AUTS2: variants seen among roughly 807,000 people sequenced by gnomAD.
AUTS2 encodes autism susceptibility gene 2 protein.
Under a neutral mutation model 112.4 loss-of-function variants are expected in AUTS2, and 17 were observed. The ratio of observed to expected loss-of-function variants is 0.15; its 90% CI spans 0.10 to 0.23. The LOEUF is 0.23. Among genes scored for constraint, AUTS2 ranks in the 10% least tolerant of loss-of-function variants. The probability of loss-of-function intolerance (pLI) is 1.00; values close to 1 mark genes in which losing one functional copy is unlikely to be tolerated. For synonymous variants in AUTS2, 751 were observed against 702.7 expected, an observed-to-expected ratio of 1.07 and a Z score of -1.09; for missense variants, 1,510 against 1,701.6, an observed-to-expected ratio of 0.89 and a Z score of 1.98.
chr7:70,677,501 C>T (rs970420192), intron 5 of AUTS2, among the ~76,000 whole-genome samples: 1 of 152,162 alleles, frequency 6.6e-6, no homozygotes, highest in Non-Finnish European at 1.5e-5. Context: ...GCCACACACT[C>T]GTGCGTTCCT....
intron 4 of AUTS2, among the ~76,000 whole-genome samples, chr7:70,392,052 T>C (rs966530813): frequency 4.6e-5 from 7 of 152,198 alleles, no homozygotes; most frequent in African/African-American, 1.7e-4. Flanking sequence ...GCCCATGATT[T>C]GATTGCCTGA....
rs546240619 is a variant in AUTS2 at position 70,591,245 on chromosome 7, G to A, written c.691-107324G>A. Among the ~76,000 whole-genome samples the A allele has an allele frequency of 5.9e-5, 9 of 151,492 alleles. 1 individual carries two copies. In the East Asian group the frequency reaches 1.8e-3, roughly 30 times the overall value. Reference sequence around the variant, plus strand: ...ATGTGACACCAGACGTGGTGTGACAGAGCCCATTTGTGGGTGTCTGTTTCA... The same window carrying A: ...ATGTGACACCAGACGTGGTGTGACAAAGCCCATTTGTGGGTGTCTGTTTCA... On this transcript the variant is annotated intron_variant, in intron 5 of 18. Coordinates refer to ENST00000342771, the MANE Select transcript of AUTS2 (RefSeq NM_015570.4).
chr7:70,153,577 A>G (rs1807574542), intron 4 of AUTS2, among the ~76,000 whole-genome samples: 1 of 152,210 alleles, frequency 6.6e-6, no homozygotes, highest in Non-Finnish European at 1.5e-5. Flanking sequence ...AGTTTATTAT[A>G]TTTCATTTAT....
chr7:69,846,965 T>C (rs1003849971), intron 1 of AUTS2, among the ~76,000 whole-genome samples: 3 of 152,162 alleles, frequency 2.0e-5, no homozygotes, highest in African/African-American at 4.8e-5. Flanking sequence ...AGCAAAGTTA[T>C]ATAGTAGCAG....
chr7:69,688,731 C>T (rs550650783), intron 1 of AUTS2, among the ~76,000 whole-genome samples: 2 of 152,122 alleles, frequency 1.3e-5, no homozygotes, highest in African/African-American at 4.8e-5. Flanking sequence ...AGAACTTACT[C>T]CTATTTAGCT....
At chr7:70,613,517 T>C (rs1804203288) in intron 5 of AUTS2, among the ~76,000 whole-genome samples, 1 of 152,106 alleles carries the variant, frequency 6.6e-6, no homozygotes, top group Admixed American at 6.6e-5. Flanking sequence ...CCTCCCAGGC[T>C]GGGGACTTCA....
intron 4 of AUTS2, among the ~76,000 whole-genome samples, chr7:70,270,601 G>A (rs910581132): frequency 1.5e-4 from 23 of 152,264 alleles, no homozygotes; most frequent in African/African-American, 5.1e-4. Context: ...GTGGGAAAGT[G>A]ATCGGATCTG....
rs547093662 is a variant in AUTS2, at chr7:70,235,686, C to T, written c.660+101115C>T. On this transcript the variant is annotated intron_variant, in intron 4 of 18. Transcript: ENST00000342771. ...TTTTTTTTTGAGACAGAGTCTCACA[C>T]TGTTGCCTGGGCTGGAGTGCAATGG... Among the ~76,000 whole-genome samples the T allele has an allele frequency of 3.3e-5, 5 of 151,656 alleles. No individual in the cohort carries two copies. The South Asian group carries it at 1.0e-3, about 32-fold the overall frequency.
At chr7:70,385,146 T>C (rs1024545336) in intron 4 of AUTS2, among the ~76,000 whole-genome samples, 19 of 152,310 alleles carry the variant, frequency 1.2e-4, no homozygotes, top group Admixed American at 1.1e-3. Context: ...TCTCACAAGA[T>C]GCACCTCACC....
At position 69,962,048 on chromosome 7, in the gene AUTS2, G is replaced by A. The variant is rs553207430; in HGVS notation, c.522+62550G>A. Among the ~76,000 whole-genome samples the A allele has an allele frequency of 1.1e-4, 16 of 152,226 alleles. 2 individuals are homozygous for A. In the South Asian group the frequency reaches 3.1e-3, roughly 30 times the overall value. On this transcript the variant is annotated intron_variant, in intron 2 of 18. Transcript: ENST00000342771. ...TTTTGCTTGCCCTGATGATACGTAT[G>A]GCAAGGGAGGAATATTATCCAGGAG...
intron 5 of AUTS2, among the ~76,000 whole-genome samples, chr7:70,640,064 G>C (rs1273830998): frequency 6.6e-6 from 1 of 152,150 alleles, no homozygotes; most frequent in Non-Finnish European, 1.5e-5. Context: ...AGGCAGAAAA[G>C]AGAAAAGGAT....
intron 1 of AUTS2, among the ~76,000 whole-genome samples, chr7:69,741,054 C>T (rs1787243910): frequency 6.6e-6 from 1 of 152,166 alleles, no homozygotes; most frequent in Non-Finnish European, 1.5e-5. Context: ...AAAACAAGTG[C>T]TGTGTATGGA....
At chr7:70,656,126 A>T (rs58190318) in intron 5 of AUTS2, among the ~76,000 whole-genome samples, 31,539 of 151,724 alleles carry the variant, frequency 0.21, 3,426 homozygotes, top group South Asian at 0.28. Context: ...GGTGCTCTGT[A>T]CCTCTGTCTA....
intron 1 of AUTS2, among the ~76,000 whole-genome samples, chr7:69,692,997 C>A (rs1408202600): frequency 6.6e-6 from 1 of 152,160 alleles, no homozygotes; most frequent in East Asian, 1.9e-4. Flanking sequence ...AAAAAGATCT[C>A]TCTCATGGCA....
chr7:70,783,038 C>G (rs919853095), intron 15 of AUTS2: 2 of 152,196 alleles, frequency 1.3e-5, no homozygotes, highest in Admixed American at 1.3e-4. Context: ...GAATAGATTT[C>G]TCTCTGGCTT....
intron 5 of AUTS2, among the ~76,000 whole-genome samples, chr7:70,624,201 G>A (rs1300895255): frequency 2.6e-5 from 4 of 152,196 alleles, no homozygotes; most frequent in Admixed American, 2.6e-4. Flanking sequence ...TTCAGGTAAA[G>A]CACTGCATAA....
chr7:69,686,689 C>T (rs184649398), intron 1 of AUTS2, among the ~76,000 whole-genome samples: 8 of 152,156 alleles, frequency 5.3e-5, no homozygotes, highest in African/African-American at 9.6e-5. Flanking sequence ...AAACATGGCC[C>T]GGGTTGCAAA....
chr7:69,924,260 C>A lies in AUTS2; in HGVS notation c.522+24762C>A, dbSNP rs534460568. Among the ~76,000 whole-genome samples the A allele has an allele frequency of 2.0e-5, 3 of 151,820 alleles. No homozygotes were observed. In the East Asian group the frequency reaches 5.8e-4, roughly 29 times the overall value. ...ATTGATTGGTTTTTAAATGTGAAAC[C>A]AAAATGCTTTCCTTGGTAAACTCTA... On this transcript the variant is annotated intron_variant, in intron 2 of 18. Transcript: ENST00000342771.
chr7:69,794,453 A>G (rs1012788000), intron 1 of AUTS2, among the ~76,000 whole-genome samples: 1 of 152,108 alleles, frequency 6.6e-6, no homozygotes, highest in Non-Finnish European at 1.5e-5. Context: ...AAAAGTGTAT[A>G]TGTTTCTGTG....
Sources: allele counts gnomAD v4.1 joint callset (sites outside exome capture counted in the v4.1 genomes callset), GRCh38; gene constraint gnomAD v4.1.1; transcripts MANE v1.5; gene names NCBI Gene and HGNC (gene_info 2026-07-23, HGNC 2026-07-21).